Variants in CADPS observed in about 807,000 individuals in gnomAD.
CADPS encodes calcium-dependent secretion activator 1.
A neutral mutation model predicts 167.3 loss-of-function variants in CADPS; 57 were observed. The observed-to-expected ratio is 0.34, with a 90% CI of 0.28 to 0.42. The LOEUF (loss-of-function observed/expected upper bound fraction) is 0.42. Among genes scored for constraint, CADPS ranks in the 20% least tolerant of loss-of-function variants. The pLI is 1.00. For synonymous variants in CADPS, 676 were observed against 635.3 expected (o/e 1.06, Z -0.96); for missense variants, 1,414 against 1,738.1 (o/e 0.81, Z 3.32).
chr3:62,811,272 C>A (rs1405724369), intron 1 of CADPS, among the ~76,000 whole-genome samples: 3 of 152,040 alleles, frequency 2.0e-5, no homozygotes, highest in Non-Finnish European at 4.4e-5. Flanking sequence ...TCCACCCACT[C>A]CTCCTACCAG....
chr3:62,683,830 T>C (rs901407799), intron 3 of CADPS, among the ~76,000 whole-genome samples: 4 of 152,050 alleles, frequency 2.6e-5, no homozygotes, highest in Non-Finnish European at 4.4e-5. Context: ...TTTGGGTTTG[T>C]CTAGAGTTTT....
In CADPS at chr3:62,536,501, C is replaced by G; in HGVS notation, c.2047G>C (p.Glu683Gln). The part of the protein sequence containing the change: ...PCNFDHASLF[E>Q]MVQRLTLDHR... ...TCCAAAGTAAGGCGTTGTACCATCT[C>G]AAAGAGGGAAGCGTGGTCAAAGTTA... Residue 683 changes from glutamate (E) to glutamine (Q), a missense_variant, in exon 12 of 30, where the codon GAG becomes CAG. Physicochemically the swap from Glu to Gln is conservative, Grantham distance 29. This residue lies in a region of CADPS where 529 missense variants were observed against 629.6 expected (regional missense o/e 0.84). Transcript: ENST00000383710. 1 of 1,613,378 alleles carries G rather than the reference C, an allele frequency of 6.2e-7. No individual in the cohort carries two copies. The highest frequency in any genetic ancestry group is 8.5e-7 in the Non-Finnish European group (1 of 1,179,448).
At chr3:62,758,493 G>T (rs2084558142) in intron 2 of CADPS, among the ~76,000 whole-genome samples, 1 of 152,206 alleles carries the variant, frequency 6.6e-6, no homozygotes. Flanking sequence ...AGAGGAAGTG[G>T]GGCCTGGGCC....
rs1395076076 is a variant in CADPS, at chr3:62,874,388, G to A, written c.441+201C>T. On this transcript the variant is annotated intron_variant, in intron 1 of 29. Coordinates refer to ENST00000383710, the MANE Select transcript of CADPS (RefSeq NM_003716.4). This position sits in a 1 kb window ranked among gnomAD's most constrained non-coding sequence, Gnocchi z 7.1. ...CCGCGGCCCTCGCCGGTCCCAGTCA[G>A]CTCCAGGAGCGCTCCAGGCTGGGTT... Among the ~76,000 whole-genome samples the A allele has an allele frequency of 6.6e-6, 1 of 152,258 alleles. No individual in the cohort carries two copies.
intron 17 of CADPS, among the ~76,000 whole-genome samples, chr3:62,507,144 C>T (rs997500871): frequency 6.6e-6 from 1 of 152,218 alleles, no homozygotes; most frequent in East Asian, 1.9e-4. Flanking sequence ...TTGCCACAAG[C>T]TGTCTTGGGC....
intron 1 of CADPS, among the ~76,000 whole-genome samples, chr3:62,776,184 T>C (rs547828326): frequency 4.1e-4 from 62 of 152,188 alleles, no homozygotes; most frequent in African/African-American, 1.4e-3. Flanking sequence ...AGCAAGGTAG[T>C]AGTCAGGAGG....
At chr3:62,843,951 C>T (rs2077005399) in intron 1 of CADPS, among the ~76,000 whole-genome samples, 1 of 152,142 alleles carries the variant, frequency 6.6e-6, no homozygotes, top group Non-Finnish European at 1.5e-5. Context: ...AGACATTACC[C>T]TAAGGCTCTG....
At chr3:62,551,014 C>T (rs990635597) in intron 10 of CADPS, 35 of 437,220 alleles carry the variant, frequency 8.0e-5, no homozygotes, top group Non-Finnish European at 1.5e-4. Flanking sequence ...TGTCCTTGCC[C>T]TTCTTCTCTT....
At chr3:62,609,462 A>G (rs1158032099) in intron 6 of CADPS, among the ~76,000 whole-genome samples, 1 of 152,186 alleles carries the variant, frequency 6.6e-6, no homozygotes, top group Non-Finnish European at 1.5e-5. Flanking sequence ...AGTGGCAGAG[A>G]GTAAAGCCAG....
At chr3:62,444,087 G>A (rs997679382) in intron 27 of CADPS, among the ~76,000 whole-genome samples, 5 of 152,212 alleles carry the variant, frequency 3.3e-5, no homozygotes, top group Admixed American at 1.3e-4. Flanking sequence ...GCTGGATCAA[G>A]TTTCTCTAGG....
chr3:62,488,471 T>A (rs2063169503), intron 21 of CADPS, among the ~76,000 whole-genome samples: 1 of 146,058 alleles, frequency 6.8e-6, no homozygotes, highest in South Asian at 2.1e-4. Context: ...CTGTTTTTAT[T>A]ATTTATTTAT....
intron 1 of CADPS, among the ~76,000 whole-genome samples, chr3:62,867,677 G>T (rs1442639060): frequency 6.6e-6 from 1 of 152,032 alleles, no homozygotes; most frequent in Non-Finnish European, 1.5e-5. Flanking sequence ...TATAAGGCTT[G>T]TGATGGCTAG....
Position 62,438,117 on chromosome 3 carries a change from T to A in CADPS, c.3764A>T (p.Glu1255Val). The change falls in exon 28 of 30, where the codon GAA becomes GTA. Residue 1255 changes from glutamate (E) to valine (V), a missense_variant. Glu to Val is a moderately radical substitution (Grantham distance 121, BLOSUM62 -2). Transcript: ENST00000383710. The surrounding 1 kb of genome is among the most constrained non-coding windows in gnomAD (Gnocchi z 4.7). ...GCATTTACTTACATCAAATAACCTTTCTATGTACATCTCCTCATTGACCTT... is the reference window on the plus strand; with the variant it reads ...GCATTTACTTACATCAAATAACCTTACTATGTACATCTCCTCATTGACCTT... The part of the protein sequence containing the change: ...RDKVNEEMYI[E>V]RLFDQWYNSS... 6.2e-7 allele frequency: 1 copy of A among 1,612,034 alleles called. No homozygotes were observed. Among genetic ancestry groups the A allele is most frequent in the Non-Finnish European group, 8.5e-7 (1 of 1,178,438 alleles).
intron 1 of CADPS, among the ~76,000 whole-genome samples, chr3:62,806,646 A>G (rs1576662378): frequency 6.6e-6 from 1 of 152,202 alleles, no homozygotes. Context: ...GATTAGAGAA[A>G]TTAGGTAACG....
intron 17 of CADPS, among the ~76,000 whole-genome samples, chr3:62,505,796 A>G (rs546240136): frequency 6.6e-6 from 1 of 152,290 alleles, no homozygotes; most frequent in Non-Finnish European, 1.5e-5. Flanking sequence ...ACATTTGTCT[A>G]TCTCCCTGTC....
rs1024853414 is a variant in CADPS at position 62,749,527 on chromosome 3, A to G, written c.888+3914T>C. On this transcript the variant is annotated intron_variant, in intron 3 of 29. Coordinates refer to ENST00000383710, the MANE Select transcript of CADPS (RefSeq NM_003716.4). The stretch of plus-strand genomic sequence containing the variant: ...GAGAAGAAGGTCCAGAAAATACAAA[A>G]TTAAACAGGAAACAATTTCAGCAGA... Among the ~76,000 whole-genome samples, 29 of 152,332 alleles carry G rather than the reference A, an allele frequency of 1.9e-4. No homozygotes were observed. The East Asian group carries it at 5.6e-3, about 29-fold the overall frequency.
chr3:62,856,707 A>C (rs1046742721), intron 1 of CADPS, among the ~76,000 whole-genome samples: 1 of 152,000 alleles, frequency 6.6e-6, no homozygotes, highest in Non-Finnish European at 1.5e-5. Flanking sequence ...TAATACAATA[A>C]AAATTTAGTG....
At chr3:62,683,237 G>C (rs2077435212) in intron 3 of CADPS, among the ~76,000 whole-genome samples, 1 of 151,958 alleles carries the variant, frequency 6.6e-6, no homozygotes, top group Admixed American at 6.6e-5. Flanking sequence ...GACATATTGG[G>C]AGGAGGGATG....
At chr3:62,786,098 A>T (rs1178865842) in intron 1 of CADPS, among the ~76,000 whole-genome samples, 1 of 152,138 alleles carries the variant, frequency 6.6e-6, no homozygotes, top group Non-Finnish European at 1.5e-5. Context: ...CTGTATTCCC[A>T]GCTACTCAGG....
Sources: allele counts gnomAD v4.1 joint callset (sites outside exome capture counted in the v4.1 genomes callset), GRCh38; gene constraint gnomAD v4.1.1; regional missense constraint gnomAD v4.1.1; non-coding constraint Gnocchi (gnomAD v3.1); transcripts MANE v1.5; gene names NCBI Gene and HGNC (gene_info 2026-07-23, HGNC 2026-07-21).